The following TAFA5 variants were observed in gnomAD, a reference collection of about 807,000 sequenced individuals.
The protein encoded by TAFA5 is TAFA chemokine like family member 5.
TAFA5 carries 6 observed loss-of-function variants against 15.3 expected under a neutral mutation model. The ratio of observed to expected loss-of-function variants is 0.39; its 90% confidence interval spans 0.21 to 0.77. The LOEUF is 0.77. Among genes scored for constraint, TAFA5 ranks in the 30% least tolerant of loss-of-function variants. The pLI, the probability that TAFA5 is intolerant of heterozygous loss-of-function variation, is 0.41. For missense variants in TAFA5, 161 were observed against 193.1 expected (o/e 0.83, Z 0.98); for synonymous variants, 103 against 80.7 (o/e 1.28, Z -1.48).
At chr22:48,738,609 C>A (rs1174213586) in intron 3 of TAFA5, among the ~76,000 whole-genome samples, 2 of 151,942 alleles carry the variant, frequency 1.3e-5, no homozygotes, top group African/African-American at 4.9e-5. Context: ...CTGAGACCAT[C>A]TGCGCCAATA....
intron 2 of TAFA5, among the ~76,000 whole-genome samples, chr22:48,679,159 CGGCTCGG>C (rs1362379340): frequency 8.4e-6 from 1 of 119,736 alleles, no homozygotes. Context: ...ATCCCTCTCC[CGGCTCGG>C]CGTCCATCCC....
chr22:48,539,265 A>C (rs73173405), intron 1 of TAFA5: 19,877 of 438,684 alleles, frequency 0.045, 685 homozygotes, highest in Non-Finnish European at 0.063. Flanking sequence ...GGCCCTGGAG[A>C]GGTGGCCAGA....
At chr22:48,602,530 G>A (rs954535667) in intron 1 of TAFA5, among the ~76,000 whole-genome samples, 4 of 152,316 alleles carry the variant, frequency 2.6e-5, no homozygotes, top group African/African-American at 9.6e-5. Context: ...CCCCCTTGCA[G>A]TTTCTCTTCT....
At chr22:48,623,145 G>T (rs1359161114) in intron 1 of TAFA5, among the ~76,000 whole-genome samples, 1 of 152,254 alleles carries the variant, frequency 6.6e-6, no homozygotes, top group Non-Finnish European at 1.5e-5. Context: ...CTTCGACCTT[G>T]CAGGATGCCC....
chr22:48,541,265 T>C (rs1922362526), intron 1 of TAFA5, among the ~76,000 whole-genome samples: 2 of 152,074 alleles, frequency 1.3e-5, no homozygotes, highest in South Asian at 4.2e-4. Context: ...CAGGACCCTA[T>C]ACCCCCTGGG....
intron 1 of TAFA5, among the ~76,000 whole-genome samples, chr22:48,516,780 C>T (rs1263323226): frequency 6.6e-6 from 1 of 152,202 alleles, no homozygotes; most frequent in Non-Finnish European, 1.5e-5. Flanking sequence ...CCGCAGCCCC[C>T]AGCCAGGCCA....
intron 2 of TAFA5, among the ~76,000 whole-genome samples, chr22:48,687,784 T>C (rs1230880771): frequency 2.6e-5 from 4 of 152,124 alleles, no homozygotes; most frequent in Admixed American, 2.6e-4. Flanking sequence ...GGGGGGAACA[T>C]GTAGCTGCCC....
intron 1 of TAFA5, among the ~76,000 whole-genome samples, chr22:48,630,963 C>T (rs1373593695): frequency 6.6e-6 from 1 of 152,174 alleles, no homozygotes; most frequent in Non-Finnish European, 1.5e-5. Context: ...CCCAGGGTCA[C>T]CGAGGACAGG....
intron 2 of TAFA5, among the ~76,000 whole-genome samples, chr22:48,701,982 T>C (rs1928921782): frequency 6.6e-6 from 1 of 152,140 alleles, no homozygotes; most frequent in African/African-American, 2.4e-5. Flanking sequence ...GCAGCTTGAA[T>C]GTACACACAG....
chr22:48,741,860 T>C (rs1930189504), intron 3 of TAFA5, among the ~76,000 whole-genome samples: 1 of 152,244 alleles, frequency 6.6e-6, no homozygotes, highest in Admixed American at 6.5e-5. Context: ...GGCAGCCTTC[T>C]GGATGAACGC....
intron 1 of TAFA5, among the ~76,000 whole-genome samples, chr22:48,553,513 G>C (rs1357515310): frequency 6.6e-6 from 1 of 152,196 alleles, no homozygotes; most frequent in Non-Finnish European, 1.5e-5. Flanking sequence ...CTGCACCAGG[G>C]ACAGGATGGT....
chr22:48,496,714 GC>G (rs1400722221), intron 1 of TAFA5, among the ~76,000 whole-genome samples: 1 of 152,204 alleles, frequency 6.6e-6, no homozygotes, highest in Non-Finnish European at 1.5e-5. Flanking sequence ...GTTTGCAGGT[GC>G]ACCGCAGGGA....
intron 1 of TAFA5, among the ~76,000 whole-genome samples, chr22:48,575,581 A>C (rs983627880): frequency 2.1e-5 from 3 of 145,678 alleles, no homozygotes; most frequent in African/African-American, 7.4e-5. Flanking sequence ...CGCCGGCCCC[A>C]CCTGTAGGCG....
chr22:48,749,937 C>T lies in TAFA5; in HGVS notation c.*90C>T, dbSNP rs916877996. On this transcript the variant is annotated 3_prime_UTR_variant, in exon 4 of 4. Transcript: ENST00000402357. ...ACAGTTCTCCACTCGCCTCGGACTT[C>T]ACCCGTTCTCTGCCGCCCGCCCACT... is the stretch of plus-strand genomic sequence containing the variant. The T allele has an allele frequency of 1.6e-5, 20 of 1,261,942 alleles. No individual in the cohort carries two copies. The highest frequency in any genetic ancestry group is 2.2e-4 in the Middle Eastern group (1 of 4,644). 78.2% of individuals were successfully genotyped at this position (1,261,942 alleles called of 1,614,324 possible).
intron 3 of TAFA5, among the ~76,000 whole-genome samples, chr22:48,729,003 C>G (rs1487959824): frequency 1.3e-5 from 2 of 151,930 alleles, no homozygotes; most frequent in East Asian, 3.9e-4. Flanking sequence ...GTATGCATAG[C>G]TAGTGTATCG....
chr22:48,682,721 C>G (rs181805170), intron 2 of TAFA5, among the ~76,000 whole-genome samples: 53 of 152,318 alleles, frequency 3.5e-4, no homozygotes, highest in Non-Finnish European at 7.1e-4. Context: ...CCCAGAAGCA[C>G]AGTCATTGTC....
chr22:48,630,683 C>T (rs1189270233), intron 1 of TAFA5, among the ~76,000 whole-genome samples: 2 of 152,176 alleles, frequency 1.3e-5, no homozygotes, highest in Non-Finnish European at 2.9e-5. Context: ...CACCGCCCTC[C>T]ATCAGGGGCC....
intron 2 of TAFA5, among the ~76,000 whole-genome samples, chr22:48,701,547 T>C (rs1928906597): frequency 6.6e-6 from 1 of 152,108 alleles, no homozygotes; most frequent in Non-Finnish European, 1.5e-5. Flanking sequence ...AAGTCCCCTT[T>C]AACTCGGTCC....
Position 48,699,244 on chromosome 22 carries a change from T to G in TAFA5, c.263-8473T>G, listed in dbSNP as rs917099800. Among the ~76,000 whole-genome samples, 4 of 152,128 alleles carry G rather than the reference T, an allele frequency of 2.6e-5. No homozygotes were observed. In the East Asian group the frequency reaches 7.7e-4, roughly 29 times the overall value. ...CACCGTGCCCTGCTGACAACGCCTT[T>G]TAAGGGAAAGACCCACCCTACTGTT... is the stretch of plus-strand genomic sequence containing the variant. On this transcript the variant is annotated intron_variant, in intron 2 of 3. Coordinates refer to ENST00000402357, the MANE Select transcript of TAFA5 (RefSeq NM_001082967.3).
Sources: gnomAD v4.1 joint callset for allele counts (sites outside exome capture counted in the v4.1 genomes callset) on GRCh38, gnomAD v4.1.1 for gene constraint, MANE v1.5 for transcripts, NCBI Gene and HGNC (gene_info 2026-07-23, HGNC 2026-07-21) for gene names.